The following ALDH1L1 variants were observed in gnomAD, a reference collection of about 807,000 sequenced individuals.
ALDH1L1 encodes cytosolic 10-formyltetrahydrofolate dehydrogenase.
Under a neutral mutation model 101.1 loss-of-function variants are expected in ALDH1L1, and 68 were observed. That is an observed-to-expected ratio of 0.67 (90% CI 0.55 to 0.82). The LOEUF (loss-of-function observed/expected upper bound fraction) is 0.82, where lower values mean the gene tolerates loss of function less well. ALDH1L1 is among the 40% of genes least tolerant of loss of function. The probability of loss-of-function intolerance (pLI) is 0.00; values close to 1 mark genes in which losing one functional copy is unlikely to be tolerated. For missense variants in ALDH1L1, 1,087 were observed against 1,172.7 expected, an observed-to-expected ratio of 0.93 and a Z score of 1.07; for synonymous variants, 486 against 470.8, an observed-to-expected ratio of 1.03 and a Z score of -0.42.
At chr3:126,186,213 A>G (rs1306791916), upstream of ALDH1L1, among the ~76,000 whole-genome samples, 2 of 152,232 alleles carry the variant, frequency 1.3e-5, no homozygotes, top group Non-Finnish European at 2.9e-5. Flanking sequence ...AATTAAAAAT[A>G]ATAACTTTAA....
intron 2 of ALDH1L1, among the ~76,000 whole-genome samples, chr3:126,159,992 C>T (rs562562748): frequency 2.6e-5 from 4 of 152,318 alleles, no homozygotes; most frequent in South Asian, 2.1e-4. Flanking sequence ...GCCCCACAGT[C>T]TGTCTCCATC....
chr3:126,175,012 A>G (rs1173277133), intron 1 of ALDH1L1, among the ~76,000 whole-genome samples: 1 of 152,188 alleles, frequency 6.6e-6, no homozygotes, highest in African/African-American at 2.4e-5. Flanking sequence ...TTAACTAAGA[A>G]GAAAAAGAGA....
intron 12 of ALDH1L1, among the ~76,000 whole-genome samples, chr3:126,133,935 T>C (rs1361712851): frequency 1.3e-5 from 2 of 152,144 alleles, no homozygotes; most frequent in African/African-American, 4.8e-5. Flanking sequence ...CTGCTCCTAC[T>C]CCCTGGAGGT....
At chr3:126,142,863 G>A (rs1236326954) in intron 9 of ALDH1L1, among the ~76,000 whole-genome samples, 1 of 152,172 alleles carries the variant, frequency 6.6e-6, no homozygotes, top group East Asian at 1.9e-4. Flanking sequence ...GGGGGTTGGG[G>A]TTGTTCCAAG....
Position 126,114,627 on chromosome 3 carries a change from G to A in ALDH1L1, c.2012C>T (p.Ser671Phe), listed in dbSNP as rs1353099444. The change falls in exon 18 of 23, where the codon TCC (serine) becomes TTC (phenylalanine). Residue 671 changes from serine to phenylalanine, a missense_variant. Ser to Phe is a radical substitution (Grantham distance 155). Transcript: ENST00000393434. The part of the protein sequence containing the change: ...SCAISNVKKV[S>F]LELGGKSPLI... Reference sequence around the variant, plus strand: ...GGGTGACTTCCCGCCCAGTTCCAGGGACACCTTCTTCACGTTACTTATGGC... The same window carrying A: ...GGGTGACTTCCCGCCCAGTTCCAGGAACACCTTCTTCACGTTACTTATGGC... 6.6e-7 allele frequency: 1 copy of A among 1,519,938 alleles called. No individual in the cohort carries two copies. Among genetic ancestry groups the A allele is most frequent in the African/African-American group, 1.4e-5 (1 of 72,092 alleles). The allele number at this position is 1,519,938 out of a possible 1,614,324, so 94.2% of individuals were successfully genotyped here.
intron 6 of ALDH1L1, 129 bp from the exon 7 acceptor site, chr3:126,153,710 C>T: frequency 8.1e-7 from 1 of 1,228,442 alleles, no homozygotes; most frequent in Non-Finnish European, 1.1e-6. Flanking sequence ...GGAGCCGGCT[C>T]AAAGCCCATG....
chr3:126,176,495 G>C (rs2081366552), intron 1 of ALDH1L1, among the ~76,000 whole-genome samples: 1 of 152,164 alleles, frequency 6.6e-6, no homozygotes, highest in Non-Finnish European at 1.5e-5. Context: ...TAGATCAATT[G>C]AACAGAATAG....
At chr3:126,170,718 A>G (rs1420875509) in intron 1 of ALDH1L1, among the ~76,000 whole-genome samples, 2 of 152,214 alleles carry the variant, frequency 1.3e-5, no homozygotes, top group African/African-American at 4.8e-5. Flanking sequence ...ATGATAGAGC[A>G]GGAGTACTGT....
At chr3:126,183,514 T>C (rs2081492916), upstream of ALDH1L1, among the ~76,000 whole-genome samples, 1 of 151,958 alleles carries the variant, frequency 6.6e-6, no homozygotes, top group Non-Finnish European at 1.5e-5. Flanking sequence ...ACCCAAAGGG[T>C]GGAGCCAAGA....
At chr3:126,105,563 C>A (rs554558911) in intron 22 of ALDH1L1, 163 bp downstream of exon 22, 10 of 792,150 alleles carry the variant, frequency 1.3e-5, no homozygotes, top group South Asian at 8.9e-5. Context: ...ATCTTGCTCA[C>A]GGACTTGTCA....
chr3:126,104,151 G>A, intron 22 of ALDH1L1: 1 of 472,614 alleles, frequency 2.1e-6, no homozygotes, highest in Non-Finnish European at 3.8e-6. Context: ...GGAGAGACTT[G>A]GCGTTACTGC....
chr3:126,143,031 C>T (rs189791172), intron 9 of ALDH1L1, among the ~76,000 whole-genome samples: 1 of 152,316 alleles, frequency 6.6e-6, no homozygotes, highest in East Asian at 1.9e-4. Context: ...AGCGCTTAGC[C>T]TAGGCTACCT....
chr3:126,171,199 G>A (rs1240841304), intron 1 of ALDH1L1, among the ~76,000 whole-genome samples: 1 of 152,208 alleles, frequency 6.6e-6, no homozygotes, highest in Non-Finnish European at 1.5e-5. Context: ...TCAGGAGGCT[G>A]AGGCAGGAAA....
In ALDH1L1 at chr3:126,136,657, C is replaced by G. The variant is rs2080451700; in HGVS notation, c.1344+107G>C. 12 of 1,490,980 alleles carry G rather than the reference C, an allele frequency of 8.0e-6. No individual in the cohort carries two copies. The South Asian group carries it at 1.4e-4, about 18-fold the overall frequency. The allele number at this position is 1,490,980 out of a possible 1,614,324, so 92.4% of individuals were successfully genotyped here. A position where few individuals can be genotyped will look rare whatever the true frequency, so the allele number is the denominator to read the frequency against. On this transcript the variant is annotated intron_variant, in intron 11 of 22. Coordinates refer to ENST00000393434, the MANE Select transcript of ALDH1L1 (RefSeq NM_012190.4). ...TCCCGTCCCTCTCAAAGGCACATGT[C>G]CAAGCAGAGACTCTCAGGGTCAGGA...
chr3:126,124,556 G>T, intron 15 of ALDH1L1, 105 bp from the exon 16 acceptor site: 1 of 867,774 alleles, frequency 1.2e-6, no homozygotes, highest in Middle Eastern at 2.5e-4. Flanking sequence ...AGCAAGCTGG[G>T]AGAGTAGCTG....
At chr3:126,116,570 C>T (rs938228830) in intron 17 of ALDH1L1, among the ~76,000 whole-genome samples, 7 of 152,186 alleles carry the variant, frequency 4.6e-5, no homozygotes, top group Admixed American at 3.9e-4. Context: ...AACCTACACA[C>T]CTCAGAGGAA....
chr3:126,122,672 C>T (rs1213434021), intron 16 of ALDH1L1, among the ~76,000 whole-genome samples: 2 of 152,130 alleles, frequency 1.3e-5, no homozygotes, highest in African/African-American at 4.8e-5. Context: ...ATGATCCTAG[C>T]ACAAACAGGG....
intron 17 of ALDH1L1, among the ~76,000 whole-genome samples, chr3:126,116,724 TGTCA>T (rs1210579757): frequency 6.6e-6 from 1 of 152,210 alleles, no homozygotes; most frequent in African/African-American, 2.4e-5. Flanking sequence ...CAGGCTCCAG[TGTCA>T]GTCAGGGCTC....
intron 8 of ALDH1L1, among the ~76,000 whole-genome samples, chr3:126,148,119 C>T (rs2080734238): frequency 1.3e-5 from 2 of 152,286 alleles, no homozygotes; most frequent in African/African-American, 4.8e-5. Context: ...GCGTCCAGGG[C>T]CCTTATCAGA....
Sources: gnomAD v4.1 joint callset for allele counts (sites outside exome capture counted in the v4.1 genomes callset) on GRCh38, gnomAD v4.1.1 for gene constraint, MANE v1.5 for transcripts, NCBI Gene and HGNC (gene_info 2026-07-23, HGNC 2026-07-21) for gene names.